ASH1L: variants seen among roughly 807,000 people sequenced by gnomAD.
ASH1L encodes the protein ASH1 like histone lysine methyltransferase, also known as histone-lysine N-methyltransferase ASH1L.
ASH1L carries 23 observed loss-of-function variants against 269.0 expected under a neutral mutation model. The observed-to-expected ratio is 0.09, with a 90% CI of 0.06 to 0.12. ASH1L has a LOEUF of 0.12. Ranked by LOEUF, ASH1L falls within the 10% of genes least tolerant of loss-of-function variation. The pLI, the probability that ASH1L is intolerant of heterozygous loss-of-function variation, is 1.00. For missense variants in ASH1L, 2,912 were observed against 3,567.8 expected (o/e 0.82, Z 4.68); for synonymous variants, 1,187 against 1,253.5 (o/e 0.95, Z 1.12).
chr1:155,470,126 T>C (rs1248979323), intron 3 of ASH1L, among the ~76,000 whole-genome samples: 1 of 152,132 alleles, frequency 6.6e-6, no homozygotes, highest in Non-Finnish European at 1.5e-5. Flanking sequence ...AGTCCCTCAC[T>C]TCTCTGCTCC....
chr1:155,464,629 G>A (rs757615968), intron 3 of ASH1L, among the ~76,000 whole-genome samples: 1 of 152,058 alleles, frequency 6.6e-6, no homozygotes, highest in African/African-American at 2.4e-5. Context: ...AAACAAGGCA[G>A]ACTACTAGTA....
chr1:155,493,847 CTGGGGGA>C (rs1288977342), intron 2 of ASH1L, among the ~76,000 whole-genome samples: 1 of 152,072 alleles, frequency 6.6e-6, no homozygotes, highest in African/African-American at 2.4e-5. Context: ...GCACTCCAGC[CTGGGGGA>C]TAGAGCAAGA....
intron 1 of ASH1L, among the ~76,000 whole-genome samples, chr1:155,551,477 G>T (rs897344825): frequency 1.3e-5 from 2 of 151,034 alleles, no homozygotes; most frequent in African/African-American, 4.9e-5. Flanking sequence ...CGGCTAAAAC[G>T]GTGAAACCCC....
rs374957567 is a variant in ASH1L at position 155,370,772 on chromosome 1, C to T, written c.6539+5G>A. On this transcript the variant is annotated splice_donor_5th_base_variant and intron_variant, in intron 11 of 27. Transcript: ENST00000392403. ...TTATTAGAGTATCATCATTTACCACCGTACCTGAACTCCTGTTCACTGACG... is the reference window on the plus strand; with the variant it reads ...TTATTAGAGTATCATCATTTACCACTGTACCTGAACTCCTGTTCACTGACG... The T allele has an allele frequency of 1.2e-5, 19 of 1,614,020 alleles. No homozygotes were observed. The highest frequency in any genetic ancestry group is 4.4e-5 in the South Asian group (4 of 91,074).
chr1:155,511,011 C>A, intron 2 of ASH1L, among the ~76,000 whole-genome samples: 1 of 151,988 alleles, frequency 6.6e-6, no homozygotes, highest in East Asian at 1.9e-4. Context: ...AACTTTTGAA[C>A]CTCAAATATG....
At chr1:155,551,659 CAAAAAA>C (rs936454643) in intron 1 of ASH1L, among the ~76,000 whole-genome samples, 2 of 49,220 alleles carry the variant, frequency 4.1e-5, no homozygotes, top group Non-Finnish European at 4.1e-5. Context: ...GACTCCGTCT[CAAAAAA>C]AAAAAAAAAA....
At chr1:155,560,617 C>A (rs1439689442) in intron 1 of ASH1L, among the ~76,000 whole-genome samples, 1 of 152,126 alleles carries the variant, frequency 6.6e-6, no homozygotes, top group Non-Finnish European at 1.5e-5. Flanking sequence ...TACAGAGACA[C>A]CTTGATTATC....
intron 17 of ASH1L, among the ~76,000 whole-genome samples, chr1:155,351,489 G>A (rs759414355): frequency 6.6e-6 from 1 of 151,992 alleles, no homozygotes; most frequent in Non-Finnish European, 1.5e-5. Context: ...TGAGGCGGAG[G>A]ATGTGGTGAG....
chr1:155,552,712 A>T (rs2148914400), intron 1 of ASH1L, among the ~76,000 whole-genome samples: 2 of 152,308 alleles, frequency 1.3e-5, no homozygotes, highest in South Asian at 4.1e-4. Flanking sequence ...ATTGGAATTC[A>T]CATGTGAGAA....
chr1:155,524,347 C>T (rs1255441644), intron 1 of ASH1L, among the ~76,000 whole-genome samples: 1 of 151,174 alleles, frequency 6.6e-6, no homozygotes, highest in Non-Finnish European at 1.5e-5. Context: ...CGGTGAAACC[C>T]CATCTTTTAA....
chr1:155,517,548 G>A (rs1268059011), intron 2 of ASH1L, among the ~76,000 whole-genome samples: 3 of 151,936 alleles, frequency 2.0e-5, no homozygotes, highest in Non-Finnish European at 4.4e-5. Flanking sequence ...CAGGAGGCAG[G>A]AGAATCACTT....
intron 6 of ASH1L, among the ~76,000 whole-genome samples, chr1:155,404,173 T>C (rs930765910): frequency 1.1e-4 from 17 of 150,828 alleles, no homozygotes; most frequent in African/African-American, 3.4e-4. Flanking sequence ...CTGGGCAACA[T>C]AGAGAGACCC....
chr1:155,376,893 GT>G (rs1656498084), intron 10 of ASH1L, among the ~76,000 whole-genome samples: 1 of 150,852 alleles, frequency 6.6e-6, no homozygotes, highest in African/African-American at 2.4e-5. Flanking sequence ...TCAAATCAAA[GT>G]CATAACTCAT....
At chr1:155,521,068 A>C (rs1485776509) in intron 2 of ASH1L, 32 bp downstream of exon 2, 2 of 1,545,086 alleles carry the variant, frequency 1.3e-6, no homozygotes, top group Non-Finnish European at 1.7e-6. Context: ...AAATATTGTC[A>C]ATAACCACAT....
At chr1:155,438,035 G>T (rs1291309483) in intron 5 of ASH1L, among the ~76,000 whole-genome samples, 1 of 152,092 alleles carries the variant, frequency 6.6e-6, no homozygotes, top group Non-Finnish European at 1.5e-5. Context: ...TTTTAGTAGA[G>T]AAAGGGTTTA....
chr1:155,389,023 T>A (rs1243317730), intron 7 of ASH1L, among the ~76,000 whole-genome samples: 1 of 149,976 alleles, frequency 6.7e-6, no homozygotes, highest in Non-Finnish European at 1.5e-5. Flanking sequence ...TCTTTTTTTT[T>A]GAGACAGAGT....
intron 5 of ASH1L, among the ~76,000 whole-genome samples, chr1:155,428,238 A>T (rs1661310284): frequency 6.6e-6 from 1 of 152,120 alleles, no homozygotes; most frequent in South Asian, 2.1e-4. Flanking sequence ...CAGGAGTTCA[A>T]GACCAGCCTG....
intron 7 of ASH1L, among the ~76,000 whole-genome samples, chr1:155,386,302 A>C (rs949232610): frequency 2.0e-5 from 3 of 151,956 alleles, no homozygotes; most frequent in Non-Finnish European, 2.9e-5. Flanking sequence ...TCCTGACCTC[A>C]GGTGATCTGC....
intron 1 of ASH1L, among the ~76,000 whole-genome samples, chr1:155,559,130 T>C (rs1194207767): frequency 6.6e-6 from 1 of 152,000 alleles, no homozygotes; most frequent in Non-Finnish European, 1.5e-5. Flanking sequence ...AGAGCCACCA[T>C]GCCCAGCGAC....
Sources: gnomAD v4.1 joint callset for allele counts (sites outside exome capture counted in the v4.1 genomes callset) on GRCh38, gnomAD v4.1.1 for gene constraint, MANE v1.5 for transcripts, NCBI Gene and HGNC (gene_info 2026-07-23, HGNC 2026-07-21) for gene names.